SLC2A14: variants seen among roughly 807,000 people sequenced by gnomAD.
SLC2A14 encodes solute carrier family 2, facilitated glucose transporter member 14.
In SLC2A14, 13 loss-of-function variants were observed where a neutral mutation model predicts 43.0. The ratio of observed to expected loss-of-function variants is 0.30; its 90% confidence interval spans 0.20 to 0.48. The LOEUF (loss-of-function observed/expected upper bound fraction) is 0.48. SLC2A14 is among the 20% of genes least tolerant of loss of function. The pLI is 0.99. For synonymous variants in SLC2A14, 190 were observed against 233.8 expected, an observed-to-expected ratio of 0.81 and a Z score of 1.71; for missense variants, 428 against 620.4, an observed-to-expected ratio of 0.69 and a Z score of 3.29.
chr12:7,863,848 C>T (rs1944756727), intron 2 of SLC2A14, among the ~76,000 whole-genome samples: 1 of 151,080 alleles, frequency 6.6e-6, no homozygotes, highest in Non-Finnish European at 1.5e-5. Flanking sequence ...GACGGAGTCT[C>T]ACTGTTGCCC....
intron 1 of SLC2A14, among the ~76,000 whole-genome samples, chr12:7,882,112 C>T (rs1041087473): frequency 2.1e-4 from 32 of 152,110 alleles, no homozygotes; most frequent in African/African-American, 7.5e-4. Flanking sequence ...TTTTTCTTTG[C>T]AATAAGTCTT....
chr12:7,816,329 C>T (rs1161801971), intron 10 of SLC2A14, among the ~76,000 whole-genome samples: 2 of 112,436 alleles, frequency 1.8e-5, no homozygotes, highest in African/African-American at 7.0e-5. Flanking sequence ...TGGTCTCGAT[C>T]TCCTGACCTC....
intron 2 of SLC2A14, chr12:7,839,837 G>A (rs1459786763): frequency 2.2e-6 from 1 of 450,454 alleles, no homozygotes; most frequent in East Asian, 7.0e-5. Flanking sequence ...ACTTTTGGAG[G>A]TCAAGGCGGG....
At chr12:7,837,164 C>T (rs967111479) in intron 2 of SLC2A14, among the ~76,000 whole-genome samples, 5 of 147,026 alleles carry the variant, frequency 3.4e-5, no homozygotes, top group Non-Finnish European at 7.5e-5. Flanking sequence ...GAGACTCCAT[C>T]TCAAAAAAAA....
intron 2 of SLC2A14, among the ~76,000 whole-genome samples, chr12:7,856,708 G>A (rs1196783918): frequency 6.6e-6 from 1 of 152,140 alleles, no homozygotes; most frequent in African/African-American, 2.4e-5. Flanking sequence ...AATGACATCA[G>A]TATCTTCAGG....
chr12:7,875,018 TATATATAAATAC>T (rs1168543208), upstream of SLC2A14, among the ~76,000 whole-genome samples: 3 of 109,060 alleles, frequency 2.8e-5, no homozygotes, highest in African/African-American at 7.5e-5. Context: ...ATATAAAAAT[TATATATAAATAC>T]ATATATAAAT....
intron 2 of SLC2A14, among the ~76,000 whole-genome samples, chr12:7,834,186 G>T (rs1001920229): frequency 6.7e-6 from 1 of 150,108 alleles, no homozygotes; most frequent in African/African-American, 2.5e-5. Context: ...ATCTTTGAGA[G>T]CCTTTTTTTT....
intron 1 of SLC2A14, among the ~76,000 whole-genome samples, chr12:7,888,367 A>C (rs866102802): frequency 2.0e-5 from 3 of 152,312 alleles, no homozygotes; most frequent in African/African-American, 7.2e-5. Flanking sequence ...CTGCTGGTTC[A>C]CCAAGCCCTT....
chr12:7,850,626 C>T (rs1866856889), intron 2 of SLC2A14: 1 of 152,160 alleles, frequency 6.6e-6, no homozygotes, highest in African/African-American at 2.4e-5. Context: ...GATCTTTTGA[C>T]CTCGTGATCC....
intron 7 of SLC2A14, among the ~76,000 whole-genome samples, chr12:7,824,938 G>GC (rs58950776): frequency 0.025 from 3,825 of 151,752 alleles, 154 homozygotes; most frequent in African/African-American, 0.085. Context: ...CAGGTGATCT[G>GC]CCAGCCTCAG....
At chr12:7,862,817 G>A (rs781697870) in intron 2 of SLC2A14, among the ~76,000 whole-genome samples, 1 of 152,236 alleles carries the variant, frequency 6.6e-6, no homozygotes, top group African/African-American at 2.4e-5. Flanking sequence ...AGCTGCTCTG[G>A]TGGGGCCTTG....
intron 2 of SLC2A14, chr12:7,850,803 T>G (rs948089000): frequency 6.6e-6 from 1 of 152,254 alleles, no homozygotes; most frequent in African/African-American, 2.4e-5. Context: ...TAAGGACCAC[T>G]GCATTTAGAC....
chr12:7,845,636 G>A lies in SLC2A14; in HGVS notation c.19-12822C>T, dbSNP rs760605869. On this transcript the variant is annotated intron_variant, in intron 2 of 10. Coordinates refer to ENST00000431042, the MANE Select transcript of SLC2A14 (RefSeq NM_001286234.2). The stretch of plus-strand genomic sequence containing the variant: ...CTACTACAAATACAAAAAATTAGCC[G>A]GGCGTGGTGGCAGGCGCCTGTAGTC... 4.1e-4 allele frequency among the ~76,000 whole-genome samples: 62 copies of A among 151,684 alleles called. 2 individuals carry two copies. In the South Asian group the frequency reaches 0.012, roughly 29 times the overall value.
At chr12:7,846,635 ATT>A (rs34817500) in intron 2 of SLC2A14, among the ~76,000 whole-genome samples, 3 of 145,332 alleles carry the variant, frequency 2.1e-5, no homozygotes, top group Non-Finnish European at 3.0e-5. Context: ...AATATTCATA[ATT>A]TTTTTTTTTT....
At chr12:7,824,620 C>G (rs1346986706) in intron 7 of SLC2A14, among the ~76,000 whole-genome samples, 1 of 150,706 alleles carries the variant, frequency 6.6e-6, no homozygotes, top group Non-Finnish European at 1.5e-5. Flanking sequence ...GTAATCCCAG[C>G]TACTCAGAAG....
chr12:7,874,889 TA>T (rs1481139242), upstream of SLC2A14, among the ~76,000 whole-genome samples: 3 of 108,170 alleles, frequency 2.8e-5, no homozygotes. Flanking sequence ...TATATATTTA[TA>T]TAAAAATTAT....
intron 2 of SLC2A14, among the ~76,000 whole-genome samples, chr12:7,858,520 A>AGT (rs1338838447): frequency 5.9e-5 from 9 of 152,014 alleles, no homozygotes; most frequent in African/African-American, 1.9e-4. Context: ...TCTTTTTGAG[A>AGT]TGGAGTTTCG....
intron 2 of SLC2A14, among the ~76,000 whole-genome samples, chr12:7,835,858 T>G (rs911047756): frequency 1.3e-5 from 2 of 152,232 alleles, no homozygotes; most frequent in Admixed American, 1.3e-4. Context: ...GTTAGGTTAG[T>G]GTAGGCAGAG....
At chr12:7,819,453 C>G (rs1183761162) in intron 9 of SLC2A14, 29 bp downstream of exon 9, 1 of 1,611,082 alleles carries the variant, frequency 6.2e-7, no homozygotes, top group Non-Finnish European at 8.5e-7. Flanking sequence ...CTTTCCCCCT[C>G]CCTTTTTTTT....
Sources: gnomAD v4.1 joint callset for allele counts (sites outside exome capture counted in the v4.1 genomes callset) on GRCh38, gnomAD v4.1.1 for gene constraint, MANE v1.5 for transcripts, NCBI Gene and HGNC (gene_info 2026-07-23, HGNC 2026-07-21) for gene names.